The following MYLK3 variants were observed in gnomAD, a reference collection of about 807,000 sequenced individuals.
The protein encoded by MYLK3 is MLC kinase.
MYLK3 carries 55 observed loss-of-function variants against 76.3 expected under a neutral mutation model. The ratio of observed to expected loss-of-function variants is 0.72; its 90% CI spans 0.58 to 0.90. The LOEUF is 0.90. Ranked by LOEUF, MYLK3 falls within the 40% of genes least tolerant of loss-of-function variation. MYLK3 has a pLI of 0.00. For synonymous variants in MYLK3, 416 were observed against 425.4 expected, an observed-to-expected ratio of 0.98 and a Z score of 0.27; for missense variants, 973 against 1,053.6, an observed-to-expected ratio of 0.92 and a Z score of 1.06.
At position 46,716,883 on chromosome 16, in the gene MYLK3, T is replaced by G. The variant is rs1250371115; in HGVS notation, c.1986-4107A>C. Among the ~76,000 whole-genome samples the G allele has an allele frequency of 2.0e-5, 3 of 152,174 alleles. No individual in the cohort carries two copies. In the East Asian group the frequency reaches 5.8e-4, roughly 29 times the overall value. On this transcript the variant is annotated intron_variant, in intron 9 of 12. Coordinates refer to ENST00000394809, the MANE Select transcript of MYLK3 (RefSeq NM_182493.3). ...CAGGGTTGGAGAGCTTCCCGATGGC[T>G]GAACATGGGGAGATTCCTGGAGAGA...
chr16:46,730,526 A>G, intron 5 of MYLK3, 67 bp downstream of exon 5: 1 of 1,331,928 alleles, frequency 7.5e-7, no homozygotes, highest in Non-Finnish European at 1.1e-6. Context: ...CCAGTTCTCC[A>G]GGTGGTCCCG....
chr16:46,709,358 GT>G (rs1966658786), intron 12 of MYLK3, among the ~76,000 whole-genome samples, 180 bp downstream of exon 12: 1 of 151,350 alleles, frequency 6.6e-6, no homozygotes, highest in African/African-American at 2.4e-5. Context: ...GGAATTTAAG[GT>G]TACAGTGAAC....
At chr16:46,736,949 G>A (rs532614980) in intron 3 of MYLK3, among the ~76,000 whole-genome samples, 87 of 152,296 alleles carry the variant, frequency 5.7e-4, no homozygotes, top group Admixed American at 1.3e-3. Context: ...CTCAGGCTGC[G>A]TTCTAGGGGC....
intron 1 of MYLK3, chr16:46,763,002 C>CA: frequency 2.0e-6 from 2 of 979,698 alleles, no homozygotes; most frequent in Non-Finnish European, 1.2e-6. Context: ...AACACCCCCC[C>CA]ACACACACAC....
At chr16:46,718,838 C>T (rs557605698) in intron 9 of MYLK3, among the ~76,000 whole-genome samples, 3 of 151,646 alleles carry the variant, frequency 2.0e-5, no homozygotes, top group East Asian at 1.9e-4. Context: ...TGGTGGCAGG[C>T]GCCTGCAGTT....
chr16:46,749,845 T>C (rs571291628), upstream of MYLK3, among the ~76,000 whole-genome samples: 28 of 152,328 alleles, frequency 1.8e-4, no homozygotes, highest in South Asian at 5.6e-3. Context: ...CAACCTTCTC[T>C]ACCTACCCTT....
Position 46,748,176 on chromosome 16 carries a change from C to T in MYLK3, c.18G>A (p.Lys6=). 1 of 1,613,000 alleles carries T rather than the reference C, an allele frequency of 6.2e-7. No individual in the cohort carries two copies. Among genetic ancestry groups the T allele is most frequent in the Non-Finnish European group, 8.5e-7 (1 of 1,179,284 alleles). The change falls in exon 1 of 13, where the codon AAG becomes AAA. Residue 6 remains lysine, a synonymous_variant. Coordinates refer to ENST00000394809, the MANE Select transcript of MYLK3 (RefSeq NM_182493.3). The surrounding 1 kb of genome is among the most constrained non-coding windows in gnomAD (Gnocchi z 4.3). ...GCAGCCCCCCATGCCCCAGACTCTC[C>T]TTGGAGGTTCCTGACATGCTGGTGC... MSGTS[K]ESLGHGGLPG... is the part of the protein sequence containing the mutation.
chr16:46,725,810 A>G (rs546009969), intron 8 of MYLK3: 1 of 152,162 alleles, frequency 6.6e-6, no homozygotes, highest in African/African-American at 2.4e-5. Flanking sequence ...CTCCTCTTCT[A>G]TTTTTGGAAG....
At chr16:46,751,901 C>G (rs576816259), upstream of MYLK3, among the ~76,000 whole-genome samples, 4 of 152,248 alleles carry the variant, frequency 2.6e-5, no homozygotes, top group East Asian at 7.7e-4. Flanking sequence ...TCTAACTCTC[C>G]CTGATGCACA....
In MYLK3 at chr16:46,705,764, G is replaced by A. The variant is rs1212980730; in HGVS notation, c.*1940C>T. On this transcript the variant is annotated 3_prime_UTR_variant, in exon 13 of 13. Coordinates refer to ENST00000394809, the MANE Select transcript of MYLK3 (RefSeq NM_182493.3). ...AATCCCAGCACTTTGGGAGGCTGGG[G>A]CAGGTGGATCGCTTGAGCTCAAGAC... The A allele has an allele frequency of 6.6e-6, 1 of 152,108 alleles. No homozygotes were observed. Among genetic ancestry groups the A allele is most frequent in the African/African-American group, 2.4e-5 (1 of 41,400 alleles). 9.4% of individuals were successfully genotyped at this position (152,108 alleles called of 1,614,324 possible).
chr16:46,727,811 G>C (rs1966845665), intron 7 of MYLK3, among the ~76,000 whole-genome samples: 1 of 152,202 alleles, frequency 6.6e-6, no homozygotes, highest in African/African-American at 2.4e-5. Context: ...ATAGGCGTGA[G>C]CCACCCCGCC....
rs779064192 is a variant in MYLK3, at chr16:46,710,613, T to G, written c.2267+24A>C. ...CTGGGGTCCCCATCAGAAGGGCCCA[T>G]GAGTGACAAGCAATGAAAGGTACCT... On this transcript the variant is annotated intron_variant, in intron 11 of 12. Coordinates refer to ENST00000394809, the MANE Select transcript of MYLK3 (RefSeq NM_182493.3). 42 of 1,613,472 alleles carry G rather than the reference T, an allele frequency of 2.6e-5. 1 individual carries two copies. The South Asian group carries it at 4.5e-4, about 17-fold the overall frequency.
chr16:46,723,019 C>A (rs536792451), intron 8 of MYLK3, among the ~76,000 whole-genome samples: 5 of 152,144 alleles, frequency 3.3e-5, no homozygotes, highest in African/African-American at 9.6e-5. Context: ...TTAAAGTGTG[C>A]GATTCAATTA....
chr16:46,743,833 C>A (rs1966973786), intron 1 of MYLK3, among the ~76,000 whole-genome samples: 1 of 152,150 alleles, frequency 6.6e-6, no homozygotes, highest in Admixed American at 6.5e-5. Context: ...CAAAAGGTTT[C>A]AAACCTGTGA....
intron 11 of MYLK3, among the ~76,000 whole-genome samples, chr16:46,710,073 T>C (rs1966667538): frequency 6.6e-6 from 1 of 152,214 alleles, no homozygotes; most frequent in South Asian, 2.1e-4. Context: ...ACTTAGAATT[T>C]TTTTTCCTCT....
intron 10 of MYLK3, chr16:46,711,459 C>T: frequency 4.4e-6 from 1 of 224,742 alleles, no homozygotes; most frequent in Non-Finnish European, 9.2e-6. Flanking sequence ...GGGTATCCTG[C>T]CCTGCCCCCC....
chr16:46,748,836 C>T (rs1277533421), upstream of MYLK3, among the ~76,000 whole-genome samples: 1 of 152,218 alleles, frequency 6.6e-6, no homozygotes, highest in Non-Finnish European at 1.5e-5. The surrounding 1 kb of genome is among the most constrained non-coding windows in gnomAD (Gnocchi z 4.3). Context: ...TTTAGACTGT[C>T]TGTGGGGTGG....
intron 11 of MYLK3, among the ~76,000 whole-genome samples, chr16:46,710,246 A>ACC (rs1966669305): frequency 6.6e-6 from 1 of 152,168 alleles, no homozygotes; most frequent in African/African-American, 2.4e-5. Context: ...AAATGGCTTG[A>ACC]CCCATGACTT....
In MYLK3 at chr16:46,729,017, T is replaced by A. The variant is rs892762800; in HGVS notation, c.1772+7A>T. 1 of 1,611,446 alleles carries A rather than the reference T, an allele frequency of 6.2e-7. No individual in the cohort carries two copies. Among genetic ancestry groups the A allele is most frequent in the African/African-American group, 1.3e-5 (1 of 75,004 alleles). On this transcript the variant is annotated splice_region_variant and intron_variant, in intron 7 of 12. Transcript: ENST00000394809. ...GCCGAGGCGGCCGCCCCGCCTCTGA[T>A]ACTCACTACTCCATGACAAGGGTGC...
Sources: gnomAD v4.1 joint callset for allele counts (sites outside exome capture counted in the v4.1 genomes callset) on GRCh38, gnomAD v4.1.1 for gene constraint, Gnocchi (gnomAD v3.1) non-coding constraint, MANE v1.5 for transcripts, NCBI Gene and HGNC (gene_info 2026-07-23, HGNC 2026-07-21) for gene names.